The following SUGCT variants were observed in gnomAD, a reference collection of about 807,000 sequenced individuals.
SUGCT encodes the protein succinyl-CoA:glutarate CoA-transferase.
Under a neutral mutation model 55.0 loss-of-function variants are expected in SUGCT, and 41 were observed. The ratio of observed to expected loss-of-function variants is 0.74; its 90% CI spans 0.58 to 0.97. The LOEUF (loss-of-function observed/expected upper bound fraction) is 0.97. SUGCT is among the 50% of genes least tolerant of loss of function. SUGCT has a pLI of 0.00. For synonymous variants in SUGCT, 187 were observed against 200.4 expected (o/e 0.93, Z 0.56); for missense variants, 568 against 547.8 (o/e 1.04, Z -0.37).
At chr7:41,000,988 T>C in the SUGCT span, among the ~76,000 whole-genome samples, 1 of 152,144 alleles carries the variant, frequency 6.6e-6, no homozygotes, top group African/African-American at 2.4e-5. Context: ...AAGAGTGGCA[T>C]CAAAATTCTT....
chr7:40,674,722 T>A (rs1783871700), intron 12 of SUGCT, among the ~76,000 whole-genome samples: 1 of 152,192 alleles, frequency 6.6e-6, no homozygotes, highest in South Asian at 2.1e-4. Context: ...GTCTGGTTTT[T>A]TTGTTTTTGT....
intron 13 of SUGCT, among the ~76,000 whole-genome samples, chr7:40,811,442 T>G (rs1451352790): frequency 6.6e-6 from 1 of 152,194 alleles, no homozygotes; most frequent in Non-Finnish European, 1.5e-5. Context: ...ATGATTTCTT[T>G]TAGCACTGTT....
At chr7:40,797,233 A>AT (rs1790592277) in intron 13 of SUGCT, among the ~76,000 whole-genome samples, 1 of 152,212 alleles carries the variant, frequency 6.6e-6, no homozygotes, top group African/African-American at 2.4e-5. Context: ...AGTACCCAGC[A>AT]TTTCATAGTT....
intron 12 of SUGCT, among the ~76,000 whole-genome samples, chr7:40,514,845 T>G (rs1793149711): frequency 6.6e-6 from 1 of 150,844 alleles, no homozygotes; most frequent in African/African-American, 2.4e-5. Flanking sequence ...GAGAGCCAAA[T>G]TAATAATCAG....
chr7:40,671,102 A>C (rs955796806), intron 12 of SUGCT, among the ~76,000 whole-genome samples: 32 of 152,200 alleles, frequency 2.1e-4, no homozygotes, highest in Middle Eastern at 3.2e-3. Context: ...ACCAAATGTT[A>C]TCTATGTCTT....
rs559272649 is a variant in SUGCT at position 40,277,980 on chromosome 7, T to C, written c.720+3324T>C. 2.0e-5 allele frequency among the ~76,000 whole-genome samples: 3 copies of C among 152,110 alleles called. No individual in the cohort carries two copies. The East Asian group carries it at 5.8e-4, about 29-fold the overall frequency. On this transcript the variant is annotated intron_variant, in intron 8 of 13. Coordinates refer to ENST00000335693, the MANE Select transcript of SUGCT (RefSeq NM_001193313.2). ...TGCGATAGTTTACTGAGAATGATGA[T>C]TTCCAGCTTCATCCATGTCCCTACG...
At chr7:40,303,591 CT>C in intron 8 of SUGCT, among the ~76,000 whole-genome samples, 2 of 152,198 alleles carry the variant, frequency 1.3e-5, no homozygotes, top group Middle Eastern at 6.8e-3. Flanking sequence ...TCAAGGGATC[CT>C]CCTGCCTCAG....
At chr7:40,828,989 C>A (rs867467967) in intron 13 of SUGCT, among the ~76,000 whole-genome samples, 3 of 152,148 alleles carry the variant, frequency 2.0e-5, no homozygotes, top group Admixed American at 1.3e-4. Flanking sequence ...CCGATCATGA[C>A]CCTACTAATC....
At chr7:40,452,500 G>A (rs1014804186) in intron 10 of SUGCT, among the ~76,000 whole-genome samples, 1 of 152,134 alleles carries the variant, frequency 6.6e-6, no homozygotes, top group Non-Finnish European at 1.5e-5. Context: ...TTTTAAGAAG[G>A]ACTGTAGGTG....
At chr7:40,954,608 G>A in the SUGCT span, among the ~76,000 whole-genome samples, 9 of 152,216 alleles carry the variant, frequency 5.9e-5, no homozygotes, top group Admixed American at 5.9e-4. Flanking sequence ...CCTGATGATA[G>A]TTTCTTTTGC....
chr7:40,878,154 C>T, the SUGCT span, among the ~76,000 whole-genome samples: 39 of 152,148 alleles, frequency 2.6e-4, no homozygotes, highest in Admixed American at 2.5e-3. Flanking sequence ...GCAGTCCTTT[C>T]TACTACCTCT....
intron 9 of SUGCT, among the ~76,000 whole-genome samples, chr7:40,442,303 A>G (rs1347197340): frequency 1.3e-5 from 2 of 152,184 alleles, no homozygotes; most frequent in Admixed American, 1.3e-4. Flanking sequence ...GAAGTCAGTT[A>G]GCTTGTGAAA....
chr7:40,832,871 T>G (rs923141040), intron 13 of SUGCT, among the ~76,000 whole-genome samples: 1 of 152,034 alleles, frequency 6.6e-6, no homozygotes, highest in Non-Finnish European at 1.5e-5. Flanking sequence ...AGACGGGGTG[T>G]CACCATGTTA....
At chr7:40,165,344 C>T (rs1784366919) in intron 1 of SUGCT, among the ~76,000 whole-genome samples, 1 of 152,058 alleles carries the variant, frequency 6.6e-6, no homozygotes, top group Non-Finnish European at 1.5e-5. Context: ...TCAATTATCC[C>T]TGCTCTGGTG....
chr7:40,707,232 CTTT>C (rs75832510), intron 12 of SUGCT, among the ~76,000 whole-genome samples: 1 of 132,998 alleles, frequency 7.5e-6, no homozygotes. Flanking sequence ...GCAAAATCTA[CTTT>C]TTTTTTTTTT....
At chr7:40,867,289 A>T in the SUGCT span, among the ~76,000 whole-genome samples, 1 of 150,400 alleles carries the variant, frequency 6.6e-6, no homozygotes, top group South Asian at 2.1e-4. Context: ...ACATCTCATA[A>T]GCTCATAAAA....
Position 40,647,985 on chromosome 7 carries a change from C to T in SUGCT, c.1090-101449C>T, listed in dbSNP as rs1250574474. Among the ~76,000 whole-genome samples, 6 of 152,102 alleles carry T rather than the reference C, an allele frequency of 3.9e-5. No individual in the cohort carries two copies. The South Asian group carries it at 1.0e-3, about 26-fold the overall frequency. ...ACATTCCTTGAACATTGATTCAATCCCTTCAAAAAGCGCAGATGCATATTC... is the reference window on the plus strand; with the variant it reads ...ACATTCCTTGAACATTGATTCAATCTCTTCAAAAAGCGCAGATGCATATTC... On this transcript the variant is annotated intron_variant, in intron 12 of 13. Transcript: ENST00000335693.
chr7:40,970,037 A>G, the SUGCT span, among the ~76,000 whole-genome samples: 5 of 152,192 alleles, frequency 3.3e-5, no homozygotes, highest in African/African-American at 1.2e-4. Flanking sequence ...AAATCACCTA[A>G]TTTATTTCTT....
At chr7:40,621,071 ATGTTTTTTTAGCC>A in intron 12 of SUGCT, among the ~76,000 whole-genome samples, 1 of 152,160 alleles carries the variant, frequency 6.6e-6, no homozygotes, top group East Asian at 1.9e-4. Context: ...ATAAGCATCA[ATGTTTTTTTAGCC>A]TGTATTTTTA....
Sources: allele counts gnomAD v4.1 joint callset (sites outside exome capture counted in the v4.1 genomes callset), GRCh38; gene constraint gnomAD v4.1.1; transcripts MANE v1.5; gene names NCBI Gene and HGNC (gene_info 2026-07-23, HGNC 2026-07-21).